LARP1B: variants seen among roughly 807,000 people sequenced by gnomAD.
LARP1B encodes the protein La ribonucleoprotein 1B.
A neutral mutation model predicts 114.2 loss-of-function variants in LARP1B; 76 were observed. The observed-to-expected ratio is 0.67, with a 90% CI of 0.55 to 0.81. The LOEUF (loss-of-function observed/expected upper bound fraction) is 0.81. Among genes scored for constraint, LARP1B ranks in the 30% least tolerant of loss-of-function variants. The probability of loss-of-function intolerance (pLI) is 0.00; values close to 1 mark genes in which losing one functional copy is unlikely to be tolerated. For missense variants in LARP1B, 1,014 were observed against 1,075.8 expected (o/e 0.94, Z 0.80); for synonymous variants, 345 against 348.0 (o/e 0.99, Z 0.10).
chr4:128,112,213 T>C (rs1784356471), intron 9 of LARP1B, among the ~76,000 whole-genome samples: 1 of 152,048 alleles, frequency 6.6e-6, no homozygotes, highest in South Asian at 2.1e-4. Context: ...TATATAACTC[T>C]AAAAATTTTA....
intron 11 of LARP1B, among the ~76,000 whole-genome samples, chr4:128,159,117 G>C (rs1008972659): frequency 6.6e-6 from 1 of 150,658 alleles, no homozygotes; most frequent in Non-Finnish European, 1.5e-5. Context: ...AGGCTACAGA[G>C]AGCTGTGGTC....
intron 11 of LARP1B, among the ~76,000 whole-genome samples, chr4:128,158,508 A>T (rs1736881419): frequency 2.0e-5 from 3 of 152,180 alleles, no homozygotes; most frequent in Non-Finnish European, 4.4e-5. Flanking sequence ...AAGGCAAGTT[A>T]AAAAAGTGTC....
At chr4:128,089,006 T>C (rs1774800085) in intron 5 of LARP1B, among the ~76,000 whole-genome samples, 1 of 152,080 alleles carries the variant, frequency 6.6e-6, no homozygotes, top group African/African-American at 2.4e-5. Flanking sequence ...GGTCTAAGCA[T>C]TGAGGATGGA....
intron 11 of LARP1B, among the ~76,000 whole-genome samples, chr4:128,153,857 T>C (rs939780695): frequency 1.3e-5 from 2 of 152,180 alleles, no homozygotes; most frequent in Non-Finnish European, 1.5e-5. Context: ...TTTTAAAAAA[T>C]GAAAGAAAAC....
At chr4:128,109,843 A>G (rs1168395685) in intron 9 of LARP1B, among the ~76,000 whole-genome samples, 2 of 152,156 alleles carry the variant, frequency 1.3e-5, no homozygotes, top group Non-Finnish European at 2.9e-5. Flanking sequence ...AAGGTACAAA[A>G]AAAAAATCAT....
At chr4:128,190,217 GTT>G (rs1751783098) in intron 15 of LARP1B, among the ~76,000 whole-genome samples, 1 of 152,094 alleles carries the variant, frequency 6.6e-6, no homozygotes, top group African/African-American at 2.4e-5. Context: ...GGCAGGTTTT[GTT>G]TTTGTTTCCA....
chr4:128,070,993 C>T (rs572052462), intron 1 of LARP1B, among the ~76,000 whole-genome samples: 2 of 151,944 alleles, frequency 1.3e-5, no homozygotes, highest in East Asian at 1.9e-4. Flanking sequence ...GGTTATAGGG[C>T]ATTTTTTAAG....
chr4:128,062,031 C>T (rs1472165148), intron 1 of LARP1B: 1 of 984,702 alleles, frequency 1.0e-6, no homozygotes, highest in Non-Finnish European at 1.2e-6. Context: ...CCGCCGTCGC[C>T]GTTGCCGCCG....
At chr4:128,209,829 A>T in intron 19 of LARP1B, 27 bp from the exon 20 acceptor site, 1 of 1,588,114 alleles carries the variant, frequency 6.3e-7, no homozygotes, top group South Asian at 1.1e-5. Context: ...TAAAATTGTC[A>T]ACGGTGTTGC....
chr4:128,179,379 T>G (rs997244926), intron 14 of LARP1B, 27 bp from the exon 15 acceptor site: 2 of 1,444,438 alleles, frequency 1.4e-6, no homozygotes, highest in Non-Finnish European at 1.9e-6. Flanking sequence ...TGAAACTAAT[T>G]GCAATGCTTG....
intron 9 of LARP1B, chr4:128,108,222 A>G: frequency 8.6e-7 from 1 of 1,168,364 alleles, no homozygotes; most frequent in South Asian, 3.9e-5. Context: ...TTCTGGAAAT[A>G]CCGCAAGATT....
chr4:128,122,519 A>G (rs1408251747), intron 11 of LARP1B: 8 of 1,529,798 alleles, frequency 5.2e-6, no homozygotes, highest in Admixed American at 2.0e-5. Context: ...GTATGAAAGA[A>G]TAAAAACAAG....
At chr4:128,116,749 A>C (rs768357053) in intron 10 of LARP1B, among the ~76,000 whole-genome samples, 4 of 152,192 alleles carry the variant, frequency 2.6e-5, no homozygotes, top group Non-Finnish European at 4.4e-5. Context: ...ATACTTTTAA[A>C]AAAGTGATCT....
chr4:128,090,561 T>C (rs1348848076), intron 5 of LARP1B, among the ~76,000 whole-genome samples: 3 of 152,250 alleles, frequency 2.0e-5, no homozygotes, highest in Admixed American at 2.0e-4. Context: ...GCTTCAGATA[T>C]CTTTTCTCAA....
In LARP1B at chr4:128,073,572, G is replaced by GTTTT. The variant is rs568197117; in HGVS notation, c.-77-854_-77-851dup. Among the ~76,000 whole-genome samples the GTTTT allele has an allele frequency of 2.2e-4, 9 of 40,004 alleles. 3 individuals carry two copies. The highest frequency in any genetic ancestry group is 3.5e-4 in the Non-Finnish European group (7 of 19,982). 26.2% of individuals were successfully genotyped at this position (40,004 alleles called of 152,430 possible). A position where few individuals can be genotyped will look rare whatever the true frequency, so the allele number is the denominator to read the frequency against. ...AATTTTCTCCTGTTATATTGTTGTC[G>GTTTT]TTTTTTTTTTTTTTTTTTTTTTTTT... On this transcript the variant is annotated intron_variant, in intron 1 of 19. Coordinates refer to ENST00000326639, the MANE Select transcript of LARP1B (RefSeq NM_018078.4).
At chr4:128,082,540 A>C (rs1237486618) in intron 5 of LARP1B, among the ~76,000 whole-genome samples, 1 of 152,176 alleles carries the variant, frequency 6.6e-6, no homozygotes, top group Non-Finnish European at 1.5e-5. Context: ...TTTCTCAATA[A>C]AGTCCTTTAT....
chr4:128,084,320 C>T (rs1772346791), intron 5 of LARP1B, among the ~76,000 whole-genome samples: 1 of 152,214 alleles, frequency 6.6e-6, no homozygotes, highest in Admixed American at 6.5e-5. Flanking sequence ...CCACTGCACT[C>T]CAGCCTGGGC....
chr4:128,177,832 G>A (rs973994603), intron 13 of LARP1B, among the ~76,000 whole-genome samples: 2 of 152,052 alleles, frequency 1.3e-5, no homozygotes, highest in African/African-American at 4.8e-5. Flanking sequence ...AAACCCTAGA[G>A]AAATGCTTGT....
chr4:128,085,487 T>C (rs933195914), intron 5 of LARP1B, among the ~76,000 whole-genome samples: 4 of 151,144 alleles, frequency 2.6e-5, no homozygotes, highest in African/African-American at 9.7e-5. Flanking sequence ...CACCTCAGCT[T>C]CCCAAGTAGC....
Sources: allele counts gnomAD v4.1 joint callset (sites outside exome capture counted in the v4.1 genomes callset), GRCh38; gene constraint gnomAD v4.1.1; transcripts MANE v1.5; gene names NCBI Gene and HGNC (gene_info 2026-07-23, HGNC 2026-07-21).